Variants in CNTROB observed in about 807,000 individuals in gnomAD.
CNTROB encodes centrobin.
In CNTROB, 82 loss-of-function variants were observed where a neutral mutation model predicts 115.7. That is an observed-to-expected ratio of 0.71 (90% confidence interval 0.59 to 0.85). CNTROB has a LOEUF of 0.85. Among genes scored for constraint, CNTROB ranks in the 40% least tolerant of loss-of-function variants. The pLI is 0.00. For missense variants in CNTROB, 1,014 were observed against 1,144.4 expected (o/e 0.89, Z 1.64); for synonymous variants, 439 against 456.4 (o/e 0.96, Z 0.49).
chr17:7,948,356 AAAG>A lies in CNTROB; in HGVS notation c.2380+30_2380+32del, dbSNP rs764098288. Reference sequence around the variant, plus strand: ...AGCATGTTCTGGTTTATTAGGGAAAAAAGGAGGGACAGTCCTGAGTGTGGATCC... The same window carrying A: ...AGCATGTTCTGGTTTATTAGGGAAAAGAGGGACAGTCCTGAGTGTGGATCC... On this transcript the variant is annotated intron_variant, in intron 16 of 18. Coordinates refer to ENST00000563694, the MANE Select transcript of CNTROB (RefSeq NM_053051.5). The surrounding 1 kb of genome is among the most constrained non-coding windows in gnomAD (Gnocchi z 4.4). The A allele has an allele frequency of 3.1e-6, 5 of 1,613,316 alleles. No homozygotes were observed. Among genetic ancestry groups the A allele is most frequent in the Non-Finnish European group, 4.2e-6 (5 of 1,179,410 alleles).
chr17:7,943,650 A>G lies in CNTROB; in HGVS notation c.1445+126A>G, dbSNP rs1974179123. ...TGACTCCCAGGGTGCGCTAACTCCC[A>G]TCAGCTGGGACCTGAGTCTCTCTCG... is the stretch of plus-strand genomic sequence containing the variant. On this transcript the variant is annotated intron_variant, in intron 10 of 18. Coordinates refer to ENST00000563694, the MANE Select transcript of CNTROB (RefSeq NM_053051.5). This position sits in a 1 kb window ranked among gnomAD's most constrained non-coding sequence, Gnocchi z 4.7. 1.1e-5 allele frequency: 11 copies of G among 998,832 alleles called. No individual in the cohort carries two copies. The East Asian group carries it at 1.4e-4, about 13-fold the overall frequency. The allele number at this position is 998,832 out of a possible 1,614,324, so 61.9% of individuals were successfully genotyped here.
At chr17:7,941,056 A>C (rs766648951) in intron 9 of CNTROB, among the ~76,000 whole-genome samples, 5 of 152,170 alleles carry the variant, frequency 3.3e-5, no homozygotes, top group African/African-American at 4.8e-5. Flanking sequence ...AATAGAGGAA[A>C]GGATTGGAGA....
intron 5 of CNTROB, 66 bp downstream of exon 5, chr17:7,936,548 G>T: frequency 1.2e-6 from 1 of 810,368 alleles, no homozygotes; most frequent in South Asian, 1.3e-5. Flanking sequence ...TAAATAAGTG[G>T]GTGGCCAACC....
Position 7,949,723 on chromosome 17 carries a change from G to A in CNTROB, c.*213G>A, listed in dbSNP as rs1975004174. The A allele has an allele frequency of 2.2e-6, 1 of 450,546 alleles. No individual in the cohort carries two copies. The highest frequency in any genetic ancestry group is 3.8e-6 in the Non-Finnish European group (1 of 264,610). The allele number at this position is 450,546 out of a possible 1,614,324, so 27.9% of individuals were successfully genotyped here. ...TGTGGGAAAAGACATGAATGCTTTGGAAGACGGTCTATGACAAGATTTGGA... is the reference window on the plus strand; with the variant it reads ...TGTGGGAAAAGACATGAATGCTTTGAAAGACGGTCTATGACAAGATTTGGA... On this transcript the variant is annotated 3_prime_UTR_variant, in exon 19 of 19. Coordinates refer to ENST00000563694, the MANE Select transcript of CNTROB (RefSeq NM_053051.5).
chr17:7,941,946 G>A (rs550580300), intron 9 of CNTROB, among the ~76,000 whole-genome samples: 1 of 133,020 alleles, frequency 7.5e-6, no homozygotes, highest in South Asian at 2.9e-4. Flanking sequence ...CTGGGTGACA[G>A]GAGCGAGACC....
intron 3 of CNTROB, 84 bp from the exon 4 acceptor site, chr17:7,934,905 T>A (rs1359737216): frequency 6.8e-7 from 1 of 1,463,488 alleles, no homozygotes; most frequent in Non-Finnish European, 9.2e-7. Context: ...GGGTCTCAGT[T>A]TCCTCATTTG....
rs1212399664 is a variant in CNTROB at position 7,948,721 on chromosome 17, C to T, written c.2513+102C>T. The T allele has an allele frequency of 6.2e-7, 1 of 1,610,106 alleles. No homozygotes were observed. The highest frequency in any genetic ancestry group is 1.7e-5 in the Admixed American group (1 of 59,846). On this transcript the variant is annotated intron_variant, in intron 17 of 18. Coordinates refer to ENST00000563694, the MANE Select transcript of CNTROB (RefSeq NM_053051.5). The surrounding 1 kb of genome is among the most constrained non-coding windows in gnomAD (Gnocchi z 4.4). ...CACTGAATTGAATCGTTGTCCTTTTCTGGGGAGGAAAGTGAAGGATGAGAG... is the reference window on the plus strand; with the variant it reads ...CACTGAATTGAATCGTTGTCCTTTTTTGGGGAGGAAAGTGAAGGATGAGAG...
rs776882326 is a variant in CNTROB at position 7,934,175 on chromosome 17, G to A, written c.308G>A (p.Arg103Gln). 1.1e-5 allele frequency: 17 copies of A among 1,614,002 alleles called. No individual in the cohort carries two copies. Among genetic ancestry groups the A allele is most frequent in the South Asian group, 2.2e-5 (2 of 91,094 alleles). Residue 103 changes from arginine to glutamine, a missense_variant, in exon 2 of 19, where the codon CGG becomes CAG. Physicochemically the swap from Arg to Gln is conservative, Grantham distance 43 (BLOSUM62 1). Coordinates refer to ENST00000563694, the MANE Select transcript of CNTROB (RefSeq NM_053051.5). ...SKHIFEMESVRGQLQTMLQTS... is the reference protein window; with the variant it reads ...SKHIFEMESVQGQLQTMLQTS... ...CATATCTTTGAGATGGAAAGTGTTC[G>A]GGGTCAGCTCCAGACCATGCTCCAA...
chr17:7,940,455 G>A (rs1399215783), intron 9 of CNTROB, among the ~76,000 whole-genome samples: 2 of 152,164 alleles, frequency 1.3e-5, no homozygotes, highest in East Asian at 3.8e-4. Context: ...GACTGACCTA[G>A]TGTTACTTTT....
intron 9 of CNTROB, among the ~76,000 whole-genome samples, chr17:7,942,421 C>G (rs943228518): frequency 1.3e-5 from 2 of 151,748 alleles, no homozygotes; most frequent in Admixed American, 1.3e-4. Context: ...CACGGTGAAA[C>G]CCCGTCTCTA....
chr17:7,945,573 A>T, intron 12 of CNTROB, 155 bp from the exon 13 acceptor site: 3 of 777,354 alleles, frequency 3.9e-6, no homozygotes, highest in Non-Finnish European at 6.0e-6. Flanking sequence ...CCTGGTTCAA[A>T]CTGCCAGCCT....
Position 7,932,894 on chromosome 17 carries a change from C to T in CNTROB, c.-186C>T. 3.2e-6 allele frequency: 2 copies of T among 633,708 alleles called. No homozygotes were observed. Among genetic ancestry groups the T allele is most frequent in the Non-Finnish European group, 5.4e-6 (2 of 368,598 alleles). The allele number at this position is 633,708 out of a possible 1,614,324, so 39.3% of individuals were successfully genotyped here. A position where few individuals can be genotyped will look rare whatever the true frequency, so the allele number is the denominator to read the frequency against. ...GGATGCTTTTGCCCACTCCCATGGC[C>T]CCTGGAACTGGTGGAAACCTTTCCT... On this transcript the variant is annotated 5_prime_UTR_variant, in exon 1 of 19. Transcript: ENST00000563694.
chr17:7,936,729 A>T lies in CNTROB; in HGVS notation c.740A>T (p.Asn247Ile). ...CTGGCCCGTGTGGTGGAGGGCTGGA[A>T]CCGGCATGAGGCTGAGCGGACAGAG... Reference protein sequence around the residue: ...KTLARVVEGWNRHEAERTEVL... With the variant: ...KTLARVVEGWIRHEAERTEVL... Residue 247 changes from asparagine (N) to isoleucine (I), a missense_variant, in exon 6 of 19, where the codon AAC becomes ATC. Asn to Ile is a moderately radical substitution (Grantham distance 149). Transcript: ENST00000563694. 6.5e-7 allele frequency: 1 copy of T among 1,537,962 alleles called. No homozygotes were observed. Among genetic ancestry groups the T allele is most frequent in the Non-Finnish European group, 9.0e-7 (1 of 1,110,352 alleles).
In CNTROB at chr17:7,945,769, C is replaced by T. The variant is rs4462665; in HGVS notation, c.1776C>T (p.Pro592=). The T allele has an allele frequency of 8.1e-6, 13 of 1,614,014 alleles. No homozygotes were observed. The highest frequency in any genetic ancestry group is 2.7e-5 in the African/African-American group (2 of 74,984). The stretch of plus-strand genomic sequence containing the variant: ...CCTCCAGCCCCGGGCCTCAGGAGCC[C>T]GAGAAGGAGGAGAGGAGGGTCTGGA... ...AGPSSPGPQE[P]EKEERRVWTM... Residue 592 remains proline (P), a synonymous_variant, in exon 13 of 19, where the codon CCC becomes CCT. Coordinates refer to ENST00000563694, the MANE Select transcript of CNTROB (RefSeq NM_053051.5).
Position 7,940,144 on chromosome 17 carries a change from T to C in CNTROB, c.1213T>C (p.Leu405=), listed in dbSNP as rs142225897. The change falls in exon 9 of 19, where the codon TTG becomes CTG. Residue 405 remains leucine (L), a synonymous_variant. Transcript: ENST00000563694. The part of the protein sequence containing the change: ...AQAAWETQHQ[L]ALVQSEVRRL... ...GGCCGCCTGGGAGACCCAGCACCAG[T>C]TGGCATTGGTGCAGTCTGAGGTGCG... 2.1e-5 allele frequency: 34 copies of C among 1,611,138 alleles called. No individual in the cohort carries two copies. In the Middle Eastern group the frequency reaches 5.0e-4, roughly 24 times the overall value.
At chr17:7,942,467 C>T (rs2151761395) in intron 9 of CNTROB, among the ~76,000 whole-genome samples, 1 of 151,464 alleles carries the variant, frequency 6.6e-6, no homozygotes, top group South Asian at 2.1e-4. Flanking sequence ...CGTGGTGGCA[C>T]GCACCTGTAG....
intron 9 of CNTROB, among the ~76,000 whole-genome samples, chr17:7,941,964 A>C (rs1598090816): frequency 3.1e-5 from 1 of 32,032 alleles, no homozygotes; most frequent in African/African-American, 1.3e-4. Flanking sequence ...ACCGAGTCTC[A>C]AAAAAAAAAA....
chr17:7,946,049 A>G, intron 13 of CNTROB, 63 bp downstream of exon 13: 1 of 1,437,532 alleles, frequency 7.0e-7, no homozygotes, highest in Non-Finnish European at 9.7e-7. Context: ...CCTCTTTCGT[A>G]CCCTGCTTTC....
chr17:7,949,157 G>C lies in CNTROB; in HGVS notation c.2586G>C (p.Glu862Asp). ...DSRLGEIPRKEIPSQAVPRRL... is the reference protein window; with the variant it reads ...DSRLGEIPRKDIPSQAVPRRL... ...GCTTGGGTGAGATCCCCCGGAAAGA[G>C]GTGAGGGAAAGTCAGGCAGGGACCA... Residue 862 changes from glutamate (E) to aspartate (D), a missense_variant and splice_region_variant, in exon 18 of 19, where the codon GAG becomes GAC. Glu to Asp is a conservative substitution (Grantham distance 45, BLOSUM62 2). Coordinates refer to ENST00000563694, the MANE Select transcript of CNTROB (RefSeq NM_053051.5). The C allele has an allele frequency of 6.2e-7, 1 of 1,614,030 alleles. No homozygotes were observed. Among genetic ancestry groups the C allele is most frequent in the Non-Finnish European group, 8.5e-7 (1 of 1,179,922 alleles).
Sources: gnomAD v4.1 joint callset for allele counts (sites outside exome capture counted in the v4.1 genomes callset) on GRCh38, gnomAD v4.1.1 for gene constraint, Gnocchi (gnomAD v3.1) non-coding constraint, MANE v1.5 for transcripts, NCBI Gene and HGNC (gene_info 2026-07-23, HGNC 2026-07-21) for gene names.